The following LARS2 variants were observed in gnomAD, a reference collection of about 807,000 sequenced individuals.
LARS2 encodes leucyl-tRNA synthetase 2, mitochondrial.
Under a neutral mutation model 116.6 loss-of-function variants are expected in LARS2, and 81 were observed. The observed-to-expected ratio is 0.69, with a 90% CI of 0.58 to 0.84. LARS2 has a LOEUF of 0.84. Ranked by LOEUF, LARS2 falls within the 40% of genes least tolerant of loss-of-function variation. LARS2 has a pLI of 0.00. For missense variants in LARS2, 968 were observed against 1,114.5 expected (o/e 0.87, Z 1.87); for synonymous variants, 396 against 407.2 (o/e 0.97, Z 0.33).
intron 4 of LARS2, among the ~76,000 whole-genome samples, chr3:45,417,251 T>C (rs1698440954): frequency 6.6e-6 from 1 of 152,150 alleles, no homozygotes. Context: ...AAAGTACTCA[T>C]GAAAACACCT....
chr3:45,534,159 C>T (rs1700664626), intron 20 of LARS2, among the ~76,000 whole-genome samples: 1 of 152,104 alleles, frequency 6.6e-6, no homozygotes, highest in South Asian at 2.1e-4. Flanking sequence ...CCTATGTCTC[C>T]TGCTCTCCCC....
chr3:45,450,124 A>G (rs1011733623), intron 7 of LARS2, among the ~76,000 whole-genome samples: 2 of 152,210 alleles, frequency 1.3e-5, no homozygotes, highest in African/African-American at 4.8e-5. Flanking sequence ...TTTTAAATTA[A>G]TATATCATAG....
intron 7 of LARS2, among the ~76,000 whole-genome samples, chr3:45,457,117 A>G (rs1324887772): frequency 2.0e-5 from 3 of 152,246 alleles, no homozygotes; most frequent in Non-Finnish European, 4.4e-5. Flanking sequence ...GGGGCAGTTA[A>G]TAGAACCTGG....
chr3:45,545,761 G>A (rs1394211628), intron 21 of LARS2, among the ~76,000 whole-genome samples: 1 of 152,134 alleles, frequency 6.6e-6, no homozygotes, highest in Admixed American at 6.5e-5. Flanking sequence ...CAGCCTGCCC[G>A]GCTCCAGCAA....
intron 7 of LARS2, among the ~76,000 whole-genome samples, chr3:45,449,590 G>A (rs1285147796): frequency 1.3e-5 from 2 of 152,100 alleles, no homozygotes; most frequent in African/African-American, 4.8e-5. Context: ...TCTTAACATT[G>A]TTGCATTAGG....
intron 6 of LARS2, among the ~76,000 whole-genome samples, chr3:45,423,478 T>C (rs554403592): frequency 3.9e-5 from 6 of 152,080 alleles, no homozygotes; most frequent in Non-Finnish European, 8.8e-5. Flanking sequence ...ACACCCGGCT[T>C]CTTTTTGTAT....
intron 8 of LARS2, among the ~76,000 whole-genome samples, chr3:45,472,758 T>A (rs937496293): frequency 6.6e-6 from 1 of 152,216 alleles, no homozygotes; most frequent in Non-Finnish European, 1.5e-5. Context: ...AAGTGTTGCT[T>A]CCACAGCTCT....
intron 4 of LARS2, among the ~76,000 whole-genome samples, chr3:45,402,644 A>C (rs1698172903): frequency 6.6e-6 from 1 of 152,230 alleles, no homozygotes; most frequent in African/African-American, 2.4e-5. Context: ...AAAGAGGGTC[A>C]CGTTGTAATG....
intron 15 of LARS2, among the ~76,000 whole-genome samples, chr3:45,511,163 C>G (rs1243611314): frequency 2.6e-5 from 4 of 152,128 alleles, no homozygotes; most frequent in Admixed American, 2.6e-4. Context: ...TGCACTGCAA[C>G]CCTCAGAGAA....
intron 3 of LARS2, among the ~76,000 whole-genome samples, chr3:45,399,800 T>A (rs2125675134): frequency 6.6e-6 from 1 of 151,920 alleles, no homozygotes; most frequent in African/African-American, 2.4e-5. Context: ...TTTCCACCCT[T>A]CCCCCAAAGT....
intron 4 of LARS2, among the ~76,000 whole-genome samples, chr3:45,403,010 CAGG>C (rs1344373812): frequency 6.8e-6 from 1 of 147,704 alleles, no homozygotes; most frequent in East Asian, 2.0e-4. Context: ...GAGGCTGAGG[CAGG>C]AGAATTGCTT....
intron 15 of LARS2, among the ~76,000 whole-genome samples, chr3:45,510,451 A>G (rs529497261): frequency 3.0e-4 from 45 of 151,658 alleles, no homozygotes; most frequent in African/African-American, 1.1e-3. Flanking sequence ...CAGGAGAAAG[A>G]CAGGCAAGCA....
At chr3:45,408,456 G>C (rs1281258316) in intron 4 of LARS2, among the ~76,000 whole-genome samples, 1 of 152,268 alleles carries the variant, frequency 6.6e-6, no homozygotes, top group East Asian at 1.9e-4. Context: ...TCCTTGACCA[G>C]CTTGCTGTTA....
intron 6 of LARS2, 93 bp from the exon 7 acceptor site, chr3:45,446,798 A>T: frequency 1.5e-6 from 1 of 680,150 alleles, no homozygotes; most frequent in Non-Finnish European, 2.5e-6. Context: ...TTGTGATTTC[A>T]TTACTTTTCA....
chr3:45,474,587 A>AT (rs893325664), intron 9 of LARS2, among the ~76,000 whole-genome samples: 3 of 152,366 alleles, frequency 2.0e-5, no homozygotes, highest in Admixed American at 2.0e-4. Context: ...GATGGGCTCA[A>AT]TAAAAAATGA....
chr3:45,544,948 A>G (rs1396269599), intron 21 of LARS2, among the ~76,000 whole-genome samples: 1 of 152,004 alleles, frequency 6.6e-6, no homozygotes. Context: ...CTGGAGACAA[A>G]GCTAAAGGTA....
intron 15 of LARS2, among the ~76,000 whole-genome samples, chr3:45,506,557 T>A (rs1018869465): frequency 6.6e-6 from 1 of 152,114 alleles, no homozygotes; most frequent in African/African-American, 2.4e-5. Flanking sequence ...TTCAGGAGGC[T>A]ATTTGAGATG....
intron 20 of LARS2, among the ~76,000 whole-genome samples, chr3:45,529,352 AG>A (rs1388366662): frequency 6.6e-6 from 1 of 151,988 alleles, no homozygotes; most frequent in African/African-American, 2.4e-5. Context: ...TGATCACCTG[AG>A]GTCGGGAGTT....
At position 45,476,064 on chromosome 3, in the gene LARS2, C is replaced by CT. The variant is rs66954282; in HGVS notation, c.859-388dup. On this transcript the variant is annotated intron_variant, in intron 9 of 21. Transcript: ENST00000645846. ...TTTTTCTTGTTAGAAAAGTAGATGC[C>CT]TTTTTTTTTTTTTTTTACCGTACCC... Among the ~76,000 whole-genome samples, 255 of 146,948 alleles carry CT rather than the reference C, an allele frequency of 1.7e-3. 1 individual carries two copies. Among genetic ancestry groups the CT allele is most frequent in the African/African-American group, 6.1e-3 (243 of 39,532 alleles).
Sources: gnomAD v4.1 joint callset for allele counts (sites outside exome capture counted in the v4.1 genomes callset) on GRCh38, gnomAD v4.1.1 for gene constraint, MANE v1.5 for transcripts, NCBI Gene and HGNC (gene_info 2026-07-23, HGNC 2026-07-21) for gene names.